SOS1: variants seen among roughly 807,000 people sequenced by gnomAD.
SOS1 encodes son of sevenless homolog 1.
In SOS1, 25 loss-of-function variants were observed where a neutral mutation model predicts 157.6. The observed-to-expected ratio is 0.16, with a 90% CI of 0.12 to 0.22. SOS1 has a LOEUF of 0.22. Ranked by LOEUF, SOS1 falls within the 10% of genes least tolerant of loss-of-function variation. SOS1 has a pLI of 1.00. For synonymous variants in SOS1, 528 were observed against 534.0 expected, an observed-to-expected ratio of 0.99 and a Z score of 0.16; for missense variants, 1,237 against 1,599.1, an observed-to-expected ratio of 0.77 and a Z score of 3.86.
intron 1 of SOS1, among the ~76,000 whole-genome samples, chr2:39,083,444 A>G (rs1672275685): frequency 6.6e-6 from 1 of 152,244 alleles, no homozygotes; most frequent in Non-Finnish European, 1.5e-5. Flanking sequence ...CGCAAACAGA[A>G]TATTTTTAAA....
At chr2:39,042,127 T>C (rs866397015) in intron 6 of SOS1, among the ~76,000 whole-genome samples, 9 of 152,320 alleles carry the variant, frequency 5.9e-5, no homozygotes, top group Non-Finnish European at 1.3e-4. Flanking sequence ...TCATAGTAAG[T>C]CTTAATATGT....
chr2:39,091,749 G>A (rs1672606691), intron 1 of SOS1, among the ~76,000 whole-genome samples: 1 of 152,128 alleles, frequency 6.6e-6, no homozygotes, highest in Non-Finnish European at 1.5e-5. Flanking sequence ...ACCAGGGGAT[G>A]CCATTCTATA....
chr2:39,117,450 G>A (rs1283177349), intron 1 of SOS1, among the ~76,000 whole-genome samples: 1 of 152,154 alleles, frequency 6.6e-6, no homozygotes, highest in Non-Finnish European at 1.5e-5. Flanking sequence ...GATACAGTGG[G>A]ACATTCCAGC....
intron 10 of SOS1, among the ~76,000 whole-genome samples, chr2:39,022,034 T>C (rs1425546263): frequency 6.6e-6 from 1 of 151,778 alleles, no homozygotes; most frequent in Non-Finnish European, 1.5e-5. Context: ...ATAAATACAC[T>C]GACTATAGAC....
At chr2:39,059,553 G>A (rs1357444023) in intron 2 of SOS1, among the ~76,000 whole-genome samples, 1 of 152,032 alleles carries the variant, frequency 6.6e-6, no homozygotes, top group African/African-American at 2.4e-5. Flanking sequence ...AACCAGTAGA[G>A]GTCGCTATTA....
At chr2:39,090,569 G>T (rs562212923) in intron 1 of SOS1, among the ~76,000 whole-genome samples, 1 of 151,562 alleles carries the variant, frequency 6.6e-6, no homozygotes. Context: ...GGTGGCAGGC[G>T]CCTGTAATCC....
At chr2:39,032,418 G>A (rs552743659) in intron 8 of SOS1, among the ~76,000 whole-genome samples, 1 of 152,046 alleles carries the variant, frequency 6.6e-6, no homozygotes, top group Non-Finnish European at 1.5e-5. Context: ...CAAAATAAAG[G>A]TAATTATATA....
chr2:39,022,735 C>G lies in SOS1; in HGVS notation c.1693G>C (p.Glu565Gln). The G allele has an allele frequency of 6.2e-7, 1 of 1,613,768 alleles. No homozygotes were observed. The highest frequency in any genetic ancestry group is 8.5e-7 in the Non-Finnish European group (1 of 1,179,742). Reference sequence around the variant, plus strand: ...TCAGCACTAGGCAGCCTCATCTGCTCCTCTTTCTCTTCCTGTAGCATTGTT... The same window carrying G: ...TCAGCACTAGGCAGCCTCATCTGCTGCTCTTTCTCTTCCTGTAGCATTGTT... Reference protein sequence around the residue: ...DVTMLQEEKEEQMRLPSADVY... With the variant: ...DVTMLQEEKEQQMRLPSADVY... The change falls in exon 10 of 23, where the codon GAG (glutamate) becomes CAG (glutamine). Residue 565 changes from glutamate (E) to glutamine (Q), a missense_variant. Physicochemically the swap from Glu to Gln is conservative, Grantham distance 29. Around this residue, in one of 15 missense-constraint regions of SOS1, gnomAD observed 210 missense variants for 220.2 expected, o/e 0.95. Transcript: ENST00000402219.
At chr2:39,019,995 A>G (rs1445551332) in intron 10 of SOS1, among the ~76,000 whole-genome samples, 3 of 151,704 alleles carry the variant, frequency 2.0e-5, no homozygotes, top group African/African-American at 7.2e-5. Flanking sequence ...ATTAACACAT[A>G]TAATTAAAAA....
upstream of SOS1, among the ~76,000 whole-genome samples, chr2:39,123,727 C>T (rs1673976912): frequency 1.3e-5 from 2 of 152,230 alleles, no homozygotes; most frequent in Admixed American, 1.3e-4. Flanking sequence ...ACAATGCCTG[C>T]ACACAGTAGG....
intron 1 of SOS1, among the ~76,000 whole-genome samples, chr2:39,087,392 G>C (rs1053314077): frequency 6.6e-6 from 1 of 152,130 alleles, no homozygotes; most frequent in African/African-American, 2.4e-5. Flanking sequence ...TAATAAAGTG[G>C]TCTTAAGTCT....
chr2:39,003,391 G>A (rs148002793), intron 17 of SOS1, among the ~76,000 whole-genome samples: 12 of 152,120 alleles, frequency 7.9e-5, no homozygotes, highest in Admixed American at 4.6e-4. Context: ...CTTTATCCCC[G>A]CTAAAACTGA....
chr2:38,993,665 A>G (rs1218385634), intron 20 of SOS1: 1 of 152,216 alleles, frequency 6.6e-6, no homozygotes, highest in East Asian at 1.9e-4. Flanking sequence ...AAGGCACAGA[A>G]AAAGTATTTT....
rs1383714803 is a variant in SOS1, at chr2:38,989,257, C to G, written c.3391+13G>C. ...AAAGCAAGAATTATGAGTCTTAAACCAAATATACTAACTTGGGCCATGGGG... is the reference window on the plus strand; with the variant it reads ...AAAGCAAGAATTATGAGTCTTAAACGAAATATACTAACTTGGGCCATGGGG... On this transcript the variant is annotated intron_variant, in intron 21 of 22. Coordinates refer to ENST00000402219, the MANE Select transcript of SOS1 (RefSeq NM_005633.4). 6.4e-7 allele frequency: 1 copy of G among 1,574,766 alleles called. No individual in the cohort carries two copies. The highest frequency in any genetic ancestry group is 8.7e-7 in the Non-Finnish European group (1 of 1,144,808).
Position 39,014,886 on chromosome 2 carries a change from A to G in SOS1, c.1859-40T>C, listed in dbSNP as rs55704100. The G allele has an allele frequency of 2.3e-3, 2,314 of 1,008,096 alleles. 3 individuals are homozygous for G. Among genetic ancestry groups the G allele is most frequent in the Middle Eastern group, 4.2e-3 (20 of 4,798 alleles). 62.4% of individuals were successfully genotyped at this position (1,008,096 alleles called of 1,614,324 possible). Reference sequence around the variant, plus strand: ...GAAAAATATCTTATTAAACTCTATGATTCAAAATGATTAAAACTGTTATGT... The same window carrying G: ...GAAAAATATCTTATTAAACTCTATGGTTCAAAATGATTAAAACTGTTATGT... On this transcript the variant is annotated intron_variant, in intron 10 of 22. Transcript: ENST00000402219.
At chr2:39,036,508 G>A (rs1478944228) in intron 6 of SOS1, among the ~76,000 whole-genome samples, 1 of 152,064 alleles carries the variant, frequency 6.6e-6, no homozygotes, top group Non-Finnish European at 1.5e-5. Context: ...ACACCACCGC[G>A]CCTGGTTACA....
At chr2:39,013,588 T>G in intron 12 of SOS1, 25 bp from the exon 13 acceptor site, 1 of 1,377,466 alleles carries the variant, frequency 7.3e-7, no homozygotes, top group Non-Finnish European at 1.0e-6. Context: ...CAGAATTGAA[T>G]TACATGGGAA....
Position 38,983,571 on chromosome 2 carries a change from T to TATC in SOS1, c.*2250_*2252dup, listed in dbSNP as rs1308689096. ...TAGACTAGATAGGTTGAAAAGGGGT[T>TATC]ATCACCTTATTGAAGGCTAACACAT... On this transcript the variant is annotated 3_prime_UTR_variant, in exon 23 of 23. Coordinates refer to ENST00000402219, the MANE Select transcript of SOS1 (RefSeq NM_005633.4). 1 of 49,094 alleles carries TATC rather than the reference T, an allele frequency of 2.0e-5. No individual in the cohort carries two copies. The highest frequency in any genetic ancestry group is 3.3e-5 in the African/African-American group (1 of 30,260). The allele number at this position is 49,094 out of a possible 1,614,324, so 3.0% of individuals were successfully genotyped here.
intron 2 of SOS1, among the ~76,000 whole-genome samples, chr2:39,061,249 TAAAAAAAAAAA>T (rs68086036): frequency 8.5e-6 from 1 of 117,462 alleles, no homozygotes; most frequent in African/African-American, 3.3e-5. Flanking sequence ...TTCGTAGGGT[TAAAAAAAAAAA>T]AAAAAAAAAA....
Sources: gnomAD v4.1 joint callset for allele counts (sites outside exome capture counted in the v4.1 genomes callset) on GRCh38, gnomAD v4.1.1 for gene constraint, gnomAD v4.1.1 regional missense constraint, MANE v1.5 for transcripts, NCBI Gene and HGNC (gene_info 2026-07-23, HGNC 2026-07-21) for gene names.